OTUD7A: variants seen among roughly 807,000 people sequenced by gnomAD.
OTUD7A encodes the protein OTU domain-containing protein 7A.
In OTUD7A, 12 loss-of-function variants were observed where a neutral mutation model predicts 65.7. That is an observed-to-expected ratio of 0.18 (90% CI 0.12 to 0.30). The LOEUF is 0.30. OTUD7A is among the 10% of genes least tolerant of loss of function. The pLI, the probability that OTUD7A is intolerant of heterozygous loss-of-function variation, is 1.00. For synonymous variants in OTUD7A, 641 were observed against 586.3 expected, an observed-to-expected ratio of 1.09 and a Z score of -1.35; for missense variants, 1,148 against 1,304.8, an observed-to-expected ratio of 0.88 and a Z score of 1.85.
At chr15:31,764,202 T>C (rs1289477386) in intron 1 of OTUD7A, among the ~76,000 whole-genome samples, 1 of 152,158 alleles carries the variant, frequency 6.6e-6, no homozygotes, top group East Asian at 1.9e-4. Context: ...ATTTTACATA[T>C]CTATAAGCAA....
At chr15:31,692,258 C>T (rs2625800) in intron 1 of OTUD7A, among the ~76,000 whole-genome samples, 50,328 of 71,052 alleles carry the variant, frequency 0.71, 19,426 homozygotes, top group Non-Finnish European at 0.95. Flanking sequence ...ATGTTTATTG[C>T]AGCACTGTCT....
chr15:31,777,958 T>C (rs1251327580), intron 1 of OTUD7A, among the ~76,000 whole-genome samples: 3 of 151,984 alleles, frequency 2.0e-5, no homozygotes, highest in African/African-American at 7.3e-5. Context: ...CAGGTGGAAA[T>C]GATGGGCTGA....
chr15:31,644,165 TG>T (rs1891597498), intron 3 of OTUD7A, among the ~76,000 whole-genome samples: 1 of 152,070 alleles, frequency 6.6e-6, no homozygotes. Flanking sequence ...ATGGCACACC[TG>T]GGGTTTTTCA....
At chr15:31,608,350 A>G (rs1890296850) in intron 3 of OTUD7A, among the ~76,000 whole-genome samples, 1 of 152,210 alleles carries the variant, frequency 6.6e-6, no homozygotes, top group Non-Finnish European at 1.5e-5. Flanking sequence ...CTCGGTGCAT[A>G]TGGTTAAGAG....
rs1235410344 is a variant in OTUD7A at position 31,582,957 on chromosome 15, A to G, written c.152-12760T>C. Among the ~76,000 whole-genome samples, 5 of 152,230 alleles carry G rather than the reference A, an allele frequency of 3.3e-5. No homozygotes were observed. In the East Asian group the frequency reaches 7.7e-4, roughly 23 times the overall value. On this transcript the variant is annotated intron_variant, in intron 3 of 12. Coordinates refer to ENST00000307050, the MANE Select transcript of OTUD7A (RefSeq NM_001382637.1). ...ACTGAAAGCCACATCTGGAGTATTA[A>G]TCAGCATTAAAAAGAAGGAAGTTGC... is the stretch of plus-strand genomic sequence containing the variant.
intron 3 of OTUD7A, among the ~76,000 whole-genome samples, chr15:31,627,727 C>T (rs1595668057): frequency 1.3e-5 from 2 of 152,104 alleles, no homozygotes; most frequent in African/African-American, 4.8e-5. Context: ...AGTGTTCCTA[C>T]TTTTCCACAT....
intron 1 of OTUD7A, among the ~76,000 whole-genome samples, chr15:31,853,692 A>C (rs1234643671): frequency 6.6e-6 from 1 of 152,256 alleles, no homozygotes; most frequent in Non-Finnish European, 1.5e-5. Flanking sequence ...GCTATGAACA[A>C]CACCCAACTT....
In OTUD7A at chr15:31,483,427, G is replaced by A; in HGVS notation, c.2669C>T (p.Pro890Leu). The change falls in exon 13 of 13, where the codon CCG becomes CTG. Residue 890 changes from proline (P) to leucine (L), a missense_variant. Coordinates refer to ENST00000307050, the MANE Select transcript of OTUD7A (RefSeq NM_001382637.1). ...CTGGCAGCGCCGCTGCACCGGCCCCGGGCCGCCACGGCCGCACTCACCGTT... is the reference window on the plus strand; with the variant it reads ...CTGGCAGCGCCGCTGCACCGGCCCCAGGCCGCCACGGCCGCACTCACCGTT... Reference protein sequence around the residue: ...RSNGECGRGGPGPVQRRCQRE... With the variant: ...RSNGECGRGGLGPVQRRCQRE... The A allele has an allele frequency of 3.6e-6, 5 of 1,372,400 alleles. No homozygotes were observed. The highest frequency in any genetic ancestry group is 3.1e-5 in the African/African-American group (2 of 64,740). The allele number at this position is 1,372,400 out of a possible 1,614,324, so 85.0% of individuals were successfully genotyped here.
intron 4 of OTUD7A, among the ~76,000 whole-genome samples, chr15:31,561,257 C>A (rs1413018504): frequency 6.6e-6 from 1 of 152,206 alleles, no homozygotes; most frequent in Non-Finnish European, 1.5e-5. Context: ...TTGCTTCCCA[C>A]GCTGGTTCAG....
chr15:31,610,617 ATTTTT>A (rs58099939), intron 3 of OTUD7A, among the ~76,000 whole-genome samples: 2 of 30,560 alleles, frequency 6.5e-5, no homozygotes, highest in Non-Finnish European at 9.8e-5. Flanking sequence ...ATATATATAT[ATTTTT>A]TTTTTTTTTT....
intron 5 of OTUD7A, among the ~76,000 whole-genome samples, chr15:31,546,575 G>T (rs915452728): frequency 1.3e-5 from 2 of 152,148 alleles, no homozygotes; most frequent in African/African-American, 2.4e-5. Context: ...GATAGAAAGA[G>T]AATCCTCACC....
chr15:31,623,746 A>G (rs2141240267), intron 3 of OTUD7A, among the ~76,000 whole-genome samples: 1 of 152,312 alleles, frequency 6.6e-6, no homozygotes. Context: ...GCTTCGGCTC[A>G]TGCTCGGTGC....
At chr15:31,766,698 C>T (rs1445730491) in intron 1 of OTUD7A, 4 of 1,608,450 alleles carry the variant, frequency 2.5e-6, no homozygotes, top group Non-Finnish European at 2.6e-6. Flanking sequence ...TACACAACTC[C>T]TCTTGGTCTT....
At chr15:31,522,566 C>G (rs1199834404) in intron 8 of OTUD7A, among the ~76,000 whole-genome samples, 1 of 152,214 alleles carries the variant, frequency 6.6e-6, no homozygotes, top group Non-Finnish European at 1.5e-5. Flanking sequence ...AATACATTAT[C>G]TAATTCTCTG....
chr15:31,641,779 G>T (rs1160053705), intron 3 of OTUD7A, among the ~76,000 whole-genome samples: 2 of 152,124 alleles, frequency 1.3e-5, no homozygotes, highest in Non-Finnish European at 1.5e-5. Flanking sequence ...TTACAACACT[G>T]CTAACTTCAC....
At chr15:31,761,156 A>G (rs1894952162) in intron 1 of OTUD7A, among the ~76,000 whole-genome samples, 1 of 152,188 alleles carries the variant, frequency 6.6e-6, no homozygotes, top group Non-Finnish European at 1.5e-5. Context: ...ACAAAAGTAC[A>G]ATCAACAAAA....
rs1462795613 is a variant in OTUD7A, at chr15:31,570,251, C to T, written c.152-54G>A. ...AATACGAACGCATGAATAACGGTCTCATCATAGAGAAGAACTGTGACAAGA... is the reference window on the plus strand; with the variant it reads ...AATACGAACGCATGAATAACGGTCTTATCATAGAGAAGAACTGTGACAAGA... On this transcript the variant is annotated intron_variant, in intron 3 of 12. Coordinates refer to ENST00000307050, the MANE Select transcript of OTUD7A (RefSeq NM_001382637.1). 1.4e-5 allele frequency: 22 copies of T among 1,559,672 alleles called. No homozygotes were observed. The South Asian group carries it at 1.6e-4, about 11-fold the overall frequency.
At chr15:31,677,604 T>G (rs532408671) in intron 1 of OTUD7A, among the ~76,000 whole-genome samples, 1 of 152,254 alleles carries the variant, frequency 6.6e-6, no homozygotes, top group East Asian at 1.9e-4. Context: ...TTCCCCTGCT[T>G]GTATTTCTCC....
intron 1 of OTUD7A, among the ~76,000 whole-genome samples, chr15:31,832,653 T>C (rs1896963054): frequency 2.0e-5 from 3 of 152,202 alleles, no homozygotes. Flanking sequence ...TCTGTCTCTA[T>C]GAATTTGACG....
Sources: allele counts gnomAD v4.1 joint callset (sites outside exome capture counted in the v4.1 genomes callset), GRCh38; gene constraint gnomAD v4.1.1; transcripts MANE v1.5; gene names NCBI Gene and HGNC (gene_info 2026-07-23, HGNC 2026-07-21).